Variants in CCDC7 observed in about 807,000 individuals in gnomAD.
CCDC7 encodes coiled-coil domain-containing protein 7.
Under a neutral mutation model 196.9 loss-of-function variants are expected in CCDC7, and 183 were observed. The observed-to-expected ratio is 0.93, with a 90% CI of 0.82 to 1.05. CCDC7 has a LOEUF of 1.05. CCDC7 is among the 50% of genes least tolerant of loss of function. The probability of loss-of-function intolerance (pLI) is 0.00; values close to 1 mark genes in which losing one functional copy is unlikely to be tolerated. For synonymous variants in CCDC7, 525 were observed against 484.6 expected, an observed-to-expected ratio of 1.08 and a Z score of -1.10; for missense variants, 1,540 against 1,482.2, an observed-to-expected ratio of 1.04 and a Z score of -0.64.
chr10:32,744,543 G>A (rs982733445), intron 28 of CCDC7, among the ~76,000 whole-genome samples: 1 of 152,054 alleles, frequency 6.6e-6, no homozygotes, highest in Admixed American at 6.6e-5. Context: ...TTTCATTGTT[G>A]TTCTAATGCA....
chr10:32,834,314 T>C (rs1326454862), intron 32 of CCDC7, among the ~76,000 whole-genome samples: 1 of 152,104 alleles, frequency 6.6e-6, no homozygotes, highest in East Asian at 1.9e-4. Flanking sequence ...GATGGTTAAC[T>C]TTCTGTGACT....
intron 33 of CCDC7, among the ~76,000 whole-genome samples, chr10:32,839,983 C>T (rs2092868247): frequency 1.3e-5 from 2 of 151,934 alleles, no homozygotes; most frequent in African/African-American, 4.8e-5. Context: ...CCTATCAAAA[C>T]CTCTGGGATA....
intron 28 of CCDC7, among the ~76,000 whole-genome samples, chr10:32,753,936 G>C (rs1285402522): frequency 1.3e-5 from 2 of 152,018 alleles, no homozygotes; most frequent in East Asian, 3.9e-4. Context: ...TTTAAACAAT[G>C]AAACAAATGA....
intron 33 of CCDC7, among the ~76,000 whole-genome samples, chr10:32,839,179 A>C (rs565840082): frequency 6.6e-6 from 1 of 152,100 alleles, no homozygotes; most frequent in African/African-American, 2.4e-5. Context: ...TGCTGCACTT[A>C]AAAGATACAG....
chr10:32,726,990 A>G (rs1304722954), intron 26 of CCDC7, among the ~76,000 whole-genome samples, 158 bp downstream of exon 27: 1 of 152,124 alleles, frequency 6.6e-6, no homozygotes, highest in African/African-American at 2.4e-5. Context: ...CAAAAATGAA[A>G]ATGTTAACTT....
upstream of CCDC7, among the ~76,000 whole-genome samples, chr10:32,444,549 C>T (rs2030539701): frequency 6.6e-6 from 1 of 152,166 alleles, no homozygotes; most frequent in Non-Finnish European, 1.5e-5. Flanking sequence ...TAGATGTAAT[C>T]TATTTTCAGG....
At chr10:32,693,954 G>A (rs1320803190) in intron 23 of CCDC7, among the ~76,000 whole-genome samples, 1 of 152,132 alleles carries the variant, frequency 6.6e-6, no homozygotes, top group Non-Finnish European at 1.5e-5. Context: ...TGCAAAACAT[G>A]TGAATGAATG....
chr10:32,518,364 T>A (rs1390776796), intron 10 of CCDC7, 52 bp from the exon 12 acceptor site: 2 of 1,507,048 alleles, frequency 1.3e-6, no homozygotes, highest in Non-Finnish European at 1.8e-6. Flanking sequence ...TGAATAACCT[T>A]TCTACATTGA....
intron 5 of CCDC7, among the ~76,000 whole-genome samples, chr10:32,470,622 A>T (rs750416422): frequency 2.6e-5 from 4 of 152,168 alleles, no homozygotes; most frequent in Non-Finnish European, 4.4e-5. Context: ...CTAGTTCCAT[A>T]GATCTTTATA....
At chr10:32,865,609 T>C (rs2094175076) in intron 41 of CCDC7, among the ~76,000 whole-genome samples, 2 of 151,814 alleles carry the variant, frequency 1.3e-5, no homozygotes, top group African/African-American at 4.8e-5. Flanking sequence ...GAGGAAACGT[T>C]CTTAGAGTGA....
intron 24 of CCDC7, among the ~76,000 whole-genome samples, chr10:32,700,420 G>A (rs2078490065): frequency 6.7e-6 from 1 of 150,260 alleles, no homozygotes; most frequent in Non-Finnish European, 1.5e-5. Context: ...CTATATCTCT[G>A]TTTTGGTACC....
At chr10:32,852,009 A>G in intron 40 of CCDC7, 77 bp downstream of exon 41, 11 of 1,433,854 alleles carry the variant, frequency 7.7e-6, no homozygotes, top group Non-Finnish European at 8.4e-6. Context: ...CCAAGTTGTA[A>G]TAGCTTTAGT....
At chr10:32,740,931 A>G (rs891395973) in intron 28 of CCDC7, among the ~76,000 whole-genome samples, 5 of 127,668 alleles carry the variant, frequency 3.9e-5, no homozygotes, top group Non-Finnish European at 7.8e-5. Flanking sequence ...TCCATACAAA[A>G]CTGAAGATAA....
rs200392908 is a variant in CCDC7 at position 32,511,271 on chromosome 10, G to C, written c.873-6674G>C. ...TTATTCTGTGGGGGGCGGGGGGGGC[G>C]GGGAAATGTACTTTTTGAATATGTG... is the stretch of plus-strand genomic sequence containing the variant. On this transcript the variant is annotated intron_variant, in intron 9 of 41. Coordinates refer to ENST00000639629, the Ensembl canonical transcript of CCDC7. The C allele has an allele frequency of 9.2e-5, 62 of 671,990 alleles. 6 individuals carry two copies. In the Middle Eastern group the frequency reaches 1.3e-3, roughly 14 times the overall value. The allele number at this position is 671,990 out of a possible 1,614,324, so 41.6% of individuals were successfully genotyped here.
At chr10:32,636,118 G>T (rs2065591754) in intron 20 of CCDC7, among the ~76,000 whole-genome samples, 1 of 152,170 alleles carries the variant, frequency 6.6e-6, no homozygotes, top group Admixed American at 6.5e-5. Flanking sequence ...ACCACAAAGT[G>T]TGATTTGCTT....
At chr10:32,535,504 G>C (rs1009582531) in intron 11 of CCDC7, among the ~76,000 whole-genome samples, 3 of 152,096 alleles carry the variant, frequency 2.0e-5, no homozygotes, top group African/African-American at 7.2e-5. Flanking sequence ...ATGCGTGTGT[G>C]GGGTGCTTAC....
At chr10:32,719,651 A>G (rs901024703) in intron 25 of CCDC7, among the ~76,000 whole-genome samples, 1 of 152,244 alleles carries the variant, frequency 6.6e-6, no homozygotes, top group African/African-American at 2.4e-5. Context: ...CAGAATCTAC[A>G]AGGAACTTAA....
chr10:32,496,686 A>G (rs1322206193), intron 9 of CCDC7, among the ~76,000 whole-genome samples: 26 of 152,074 alleles, frequency 1.7e-4, no homozygotes, highest in Admixed American at 1.7e-3. Context: ...TATGTGATGG[A>G]TTACGTTTAT....
intron 10 of CCDC7, 61 bp from the exon 12 acceptor site, chr10:32,518,355 G>T: frequency 6.8e-7 from 1 of 1,471,796 alleles, no homozygotes; most frequent in Non-Finnish European, 9.0e-7. Context: ...TTAAATATCT[G>T]AATAACCTTT....
Sources: allele counts gnomAD v4.1 joint callset (sites outside exome capture counted in the v4.1 genomes callset), GRCh38; gene constraint gnomAD v4.1.1; transcripts MANE v1.5; gene names NCBI Gene and HGNC (gene_info 2026-07-23, HGNC 2026-07-21).